SYNGR1: variants seen among roughly 807,000 people sequenced by gnomAD.
The protein encoded by SYNGR1 is synaptogyrin-1.
In SYNGR1, 14 loss-of-function variants were observed where a neutral mutation model predicts 26.1. The ratio of observed to expected loss-of-function variants is 0.54; its 90% CI spans 0.35 to 0.84. The LOEUF is 0.84. SYNGR1 is among the 40% of genes least tolerant of loss of function. The pLI is 0.01. For synonymous variants in SYNGR1, 141 were observed against 150.1 expected (o/e 0.94, Z 0.44); for missense variants, 319 against 332.9 (o/e 0.96, Z 0.33).
intron 1 of SYNGR1, among the ~76,000 whole-genome samples, chr22:39,372,123 CTTTTT>C (rs71197177): frequency 7.1e-5 from 5 of 70,230 alleles, no homozygotes; most frequent in Middle Eastern, 0.011. Flanking sequence ...TAGATCCATT[CTTTTT>C]TTTTTTTTTT....
rs2145636688 is a variant in SYNGR1 at position 39,382,556 on chromosome 22, GACC to G, written c.*645_*647del. ...GCCAAGCCCAGGCTGCCCGACTGCA[GACC>G]ACGTGCTCTTCCCTGGCCACCCACC... On this transcript the variant is annotated 3_prime_UTR_variant, in exon 4 of 4. Transcript: ENST00000328933. 6.4e-6 allele frequency: 1 copy of G among 156,670 alleles called. No homozygotes were observed. Among genetic ancestry groups the G allele is most frequent in the East Asian group, 1.9e-4 (1 of 5,284 alleles). 9.7% of individuals were successfully genotyped at this position (156,670 alleles called of 1,614,324 possible).
chr22:39,375,592 A>T, intron 2 of SYNGR1: 1 of 383,742 alleles, frequency 2.6e-6, no homozygotes, highest in African/African-American at 2.0e-5. Context: ...CCTCCTTCCC[A>T]TACCTCATTT....
At chr22:39,361,361 T>G (rs971406919) in intron 1 of SYNGR1, among the ~76,000 whole-genome samples, 2 of 149,218 alleles carry the variant, frequency 1.3e-5, no homozygotes, top group African/African-American at 2.5e-5. Flanking sequence ...CTGCCCTTTT[T>G]TTTTTTTTTT....
At chr22:39,375,915 G>A (rs1297231) in intron 2 of SYNGR1, 137 bp from the exon 3 acceptor site, 2 of 1,188,776 alleles carry the variant, frequency 1.7e-6, no homozygotes, top group African/African-American at 1.5e-5. Context: ...CCCTTTGCCT[G>A]TCCCTTTGGG....
chr22:39,368,315 C>T (rs899317383), intron 1 of SYNGR1, among the ~76,000 whole-genome samples: 1 of 152,202 alleles, frequency 6.6e-6, no homozygotes, highest in Non-Finnish European at 1.5e-5. Flanking sequence ...GGCCTTAGGT[C>T]ACCCCACTGG....
At chr22:39,367,253 G>A (rs985960143) in intron 1 of SYNGR1, among the ~76,000 whole-genome samples, 4 of 152,196 alleles carry the variant, frequency 2.6e-5, no homozygotes, top group African/African-American at 4.8e-5. Context: ...TTGAGTGAAC[G>A]AACGGCTGAT....
chr22:39,365,561 G>T (rs1924701752), intron 1 of SYNGR1, among the ~76,000 whole-genome samples: 1 of 152,168 alleles, frequency 6.6e-6, no homozygotes, highest in South Asian at 2.1e-4. Flanking sequence ...GTCGTGCTTT[G>T]GGGGAGCTCC....
In SYNGR1 at chr22:39,365,835, CT is replaced by C. The variant is rs111262773; in HGVS notation, c.100-8471del. On this transcript the variant is annotated intron_variant, in intron 1 of 3. Transcript: ENST00000328933. ...ACTTCCTCCCCCATCTGCTCTTTTT[CT>C]TTTTTTTTTCTTTTTCACACCTGGC... Among the ~76,000 whole-genome samples, 146 of 148,120 alleles carry C rather than the reference CT, an allele frequency of 9.9e-4. 1 individual carries two copies. The highest frequency in any genetic ancestry group is 1.8e-3 in the Admixed American group (27 of 14,844).
intron 3 of SYNGR1, chr22:39,378,208 C>A: frequency 9.2e-7 from 1 of 1,083,302 alleles, no homozygotes; most frequent in Non-Finnish European, 1.1e-6. Flanking sequence ...GCTCTGTCCT[C>A]ATGTGCTATG....
chr22:39,356,097 C>T (rs770171835), intron 1 of SYNGR1, among the ~76,000 whole-genome samples: 1 of 152,168 alleles, frequency 6.6e-6, no homozygotes, highest in Non-Finnish European at 1.5e-5. Context: ...GACAGGGTCT[C>T]GCTCTGTCAC....
rs1362030647 is a variant in SYNGR1, at chr22:39,383,966, T to C, written c.*2052T>C. The C allele has an allele frequency of 6.6e-6, 1 of 152,154 alleles. No individual in the cohort carries two copies. Among genetic ancestry groups the C allele is most frequent in the African/African-American group, 2.4e-5 (1 of 41,394 alleles). 9.4% of individuals were successfully genotyped at this position (152,154 alleles called of 1,614,324 possible). On this transcript the variant is annotated 3_prime_UTR_variant, in exon 4 of 4. Transcript: ENST00000328933. ...GACAGCTGGTTGTTGCTGACTTCAT[T>C]TTCCAATCCGGAGAAGGGGCTCTGT... is the stretch of plus-strand genomic sequence containing the variant.
chr22:39,359,242 C>T (rs972451304), intron 1 of SYNGR1, among the ~76,000 whole-genome samples: 1 of 152,132 alleles, frequency 6.6e-6, no homozygotes, highest in Non-Finnish European at 1.5e-5. Flanking sequence ...GACATTGTCC[C>T]CCAGCTTTGA....
At chr22:39,376,467 C>T (rs1925290817) in intron 3 of SYNGR1, among the ~76,000 whole-genome samples, 1 of 152,130 alleles carries the variant, frequency 6.6e-6, no homozygotes, top group South Asian at 2.1e-4. Flanking sequence ...CGGACCACCC[C>T]CCCCCCAAAC....
At position 39,378,842 on chromosome 22, in the gene SYNGR1, T is replaced by C. The variant is rs1005612814; in HGVS notation, c.483+2645T>C. Among the ~76,000 whole-genome samples the C allele has an allele frequency of 2.6e-5, 4 of 152,250 alleles. No homozygotes were observed. The East Asian group carries it at 7.7e-4, about 29-fold the overall frequency. On this transcript the variant is annotated intron_variant, in intron 3 of 3. Coordinates refer to ENST00000328933, the MANE Select transcript of SYNGR1 (RefSeq NM_004711.5). ...GGGGCCCAGGCCTCTCCTTTGCTCC[T>C]GTCTTGTGGCCCCTTAAACTGGTTG...
chr22:39,364,346 C>A (rs762343115), intron 1 of SYNGR1: 3 of 1,613,372 alleles, frequency 1.9e-6, no homozygotes, highest in Middle Eastern at 1.6e-4. Context: ...CCTCTCTGAG[C>A]CTTAGCCTCC....
chr22:39,375,000 G>T, intron 2 of SYNGR1: 1 of 250,170 alleles, frequency 4.0e-6, no homozygotes, highest in Admixed American at 5.1e-5. Flanking sequence ...CAGGACCAGG[G>T]CCTGGACCTG....
intron 1 of SYNGR1, among the ~76,000 whole-genome samples, chr22:39,359,524 G>C (rs556573488): frequency 6.6e-6 from 1 of 151,062 alleles, no homozygotes; most frequent in South Asian, 2.1e-4. Context: ...CCAGCTACCC[G>C]GGAGGCTGAG....
At chr22:39,375,665 G>A (rs556428434) in intron 2 of SYNGR1, 10 of 539,464 alleles carry the variant, frequency 1.9e-5, no homozygotes, top group South Asian at 9.9e-5. Flanking sequence ...GGGGTGGACC[G>A]GGGGGGCCCA....
intron 1 of SYNGR1, among the ~76,000 whole-genome samples, chr22:39,373,254 C>T (rs1407731418): frequency 6.6e-6 from 1 of 151,832 alleles, no homozygotes; most frequent in Non-Finnish European, 1.5e-5. Flanking sequence ...CTGCAACCTC[C>T]ACCTCCCAGG....
Sources: gnomAD v4.1 joint callset for allele counts (sites outside exome capture counted in the v4.1 genomes callset) on GRCh38, gnomAD v4.1.1 for gene constraint, MANE v1.5 for transcripts, NCBI Gene and HGNC (gene_info 2026-07-23, HGNC 2026-07-21) for gene names.